The following MGAM2 variants were observed in gnomAD, a reference collection of about 807,000 sequenced individuals.
MGAM2 encodes the protein probable maltase-glucoamylase 2.
Under a neutral mutation model 96.1 loss-of-function variants are expected in MGAM2, and 98 were observed. The observed-to-expected ratio is 1.02, with a 90% CI of 0.87 to 1.21. The LOEUF is 1.21. Ranked by LOEUF, MGAM2 falls within the 50% of genes most tolerant of loss-of-function variation. The pLI is 0.00. For missense variants in MGAM2, 2,055 were observed against 1,182.4 expected (o/e 1.74, Z -10.82); for synonymous variants, 749 against 414.8 (o/e 1.81, Z -9.79).
At chr7:142,206,152 A>G (rs927727409) in intron 45 of MGAM2, among the ~76,000 whole-genome samples, 1 of 152,160 alleles carries the variant, frequency 6.6e-6, no homozygotes, top group Admixed American at 6.5e-5. Context: ...CTATATGTCT[A>G]TTCTTATGTC....
At chr7:142,216,609 C>T (rs1372278232) in intron 46 of MGAM2, among the ~76,000 whole-genome samples, 1 of 152,104 alleles carries the variant, frequency 6.6e-6, no homozygotes, top group Non-Finnish European at 1.5e-5. Flanking sequence ...TAGCTTCTCC[C>T]ACCATCTTAA....
intron 3 of MGAM2, among the ~76,000 whole-genome samples, chr7:142,127,656 A>G (rs986788143): frequency 6.6e-6 from 1 of 152,152 alleles, no homozygotes; most frequent in Non-Finnish European, 1.5e-5. Context: ...ATGGTAGTGA[A>G]TAAGTCTCAT....
intron 27 of MGAM2, among the ~76,000 whole-genome samples, chr7:142,170,843 G>C (rs557326292): frequency 6.6e-6 from 1 of 152,188 alleles, no homozygotes; most frequent in Non-Finnish European, 1.5e-5. Context: ...CTGTGTGAGT[G>C]ATTTCCTCTC....
chr7:142,146,764 G>A (rs933764263), intron 14 of MGAM2, among the ~76,000 whole-genome samples: 1 of 149,998 alleles, frequency 6.7e-6, no homozygotes, highest in African/African-American at 2.5e-5. Flanking sequence ...GTCTCGCTCT[G>A]TCACCCAGTC....
intron 6 of MGAM2, among the ~76,000 whole-genome samples, chr7:142,132,745 CATATAATATATAATATATAATTATATA>C (rs1335090087): frequency 3.3e-5 from 4 of 120,960 alleles, no homozygotes; most frequent in East Asian, 4.7e-4. Flanking sequence ...TATGTAATAA[CATATAATATATAATATATAATTATATA>C]ATATAATATA....
At chr7:142,210,399 A>C (rs957940805) in intron 46 of MGAM2, among the ~76,000 whole-genome samples, 8 of 151,970 alleles carry the variant, frequency 5.3e-5, no homozygotes, top group African/African-American at 1.9e-4. Flanking sequence ...TGCTCAGCGG[A>C]TCCCAACCCC....
In MGAM2 at chr7:142,221,771, T is replaced by A. The variant is rs1264369329; in HGVS notation, c.7260T>A (p.Asp2420Glu). Residue 2420 changes from aspartate (D) to glutamate (E), a missense_variant, in exon 48 of 48, where the codon GAT becomes GAA. Transcript: ENST00000477922. Reference sequence around the variant, plus strand: ...ATCTAGGCACCATGGATATTACTGATGCAGATAACTCCAGCAGTGTTACAG... The same window carrying A: ...ATCTAGGCACCATGGATATTACTGAAGCAGATAACTCCAGCAGTGTTACAG... ...LSNLGTMDIT[D>E]ADNSSSVTGN... is the part of the protein sequence containing the mutation. 2.5e-6 allele frequency: 1 copy of A among 405,128 alleles called. No individual in the cohort carries two copies. Among genetic ancestry groups the A allele is most frequent in the Non-Finnish European group, 4.4e-6 (1 of 229,470 alleles). The allele number at this position is 405,128 out of a possible 1,614,324, so 25.1% of individuals were successfully genotyped here.
chr7:142,164,639 C>A (rs1795978607), intron 23 of MGAM2, among the ~76,000 whole-genome samples: 1 of 151,892 alleles, frequency 6.6e-6, no homozygotes, highest in South Asian at 2.1e-4. Context: ...AGTAAAGAAC[C>A]AGTGAACAAA....
chr7:142,140,712 C>A (rs995578930), intron 10 of MGAM2, 90 bp from the exon 11 acceptor site: 21 of 571,556 alleles, frequency 3.7e-5, no homozygotes, highest in African/African-American at 3.6e-4. Context: ...AATATGGTTT[C>A]ATTTTCAATG....
intron 15 of MGAM2, among the ~76,000 whole-genome samples, chr7:142,150,429 A>G: frequency 6.6e-6 from 1 of 152,076 alleles, no homozygotes; most frequent in East Asian, 1.9e-4. Context: ...ATACTTCTTA[A>G]TTAGGTTATC....
Position 142,199,979 on chromosome 7 carries a change from A to AC in MGAM2, c.5137+12dup, listed in dbSNP as rs1281571124. ...ATGGACAAAGCATTGGTGAGTATAA[A>AC]CTTTCCAGGGTCCCTGTACATCACT... On this transcript the variant is annotated intron_variant, in intron 45 of 47. Transcript: ENST00000477922. The AC allele has an allele frequency of 1.5e-6, 1 of 656,990 alleles. No individual in the cohort carries two copies. Among genetic ancestry groups the AC allele is most frequent in the African/African-American group, 1.8e-5 (1 of 55,224 alleles). 40.7% of individuals were successfully genotyped at this position (656,990 alleles called of 1,614,324 possible). A position where few individuals can be genotyped will look rare whatever the true frequency, so the allele number is the denominator to read the frequency against.
chr7:142,133,607 T>G lies in MGAM2; in HGVS notation c.576-374T>G, dbSNP rs551224918. ...TGTTATATATCAGGCAAAATACCTATCCTCAACAGTATCAGTTTCCTTGTC... is the reference window on the plus strand; with the variant it reads ...TGTTATATATCAGGCAAAATACCTAGCCTCAACAGTATCAGTTTCCTTGTC... On this transcript the variant is annotated intron_variant, in intron 6 of 47. Transcript: ENST00000477922. Among the ~76,000 whole-genome samples, 4 of 152,142 alleles carry G rather than the reference T, an allele frequency of 2.6e-5. No homozygotes were observed. In the East Asian group the frequency reaches 7.7e-4, roughly 29 times the overall value.
chr7:142,162,048 G>T (rs767990615), intron 23 of MGAM2, 44 bp downstream of exon 23: 2 of 657,712 alleles, frequency 3.0e-6, no homozygotes, highest in South Asian at 3.4e-5. Context: ...GTTCCTTGCT[G>T]GGAAGGCTCT....
chr7:142,195,799 A>T (rs1049812861), intron 37 of MGAM2, among the ~76,000 whole-genome samples: 3 of 152,162 alleles, frequency 2.0e-5, no homozygotes, highest in Non-Finnish European at 4.4e-5. Context: ...AAACCTTTTC[A>T]TGATGTTATG....
chr7:142,164,881 A>T lies in MGAM2; in HGVS notation c.2510A>T (p.Asn837Ile), dbSNP rs1304614875. The change falls in exon 24 of 48, where the codon AAT (asparagine) becomes ATT (isoleucine). Residue 837 changes from asparagine to isoleucine, a missense_variant. Coordinates refer to ENST00000477922, the MANE Select transcript of MGAM2 (RefSeq NM_001293626.2). ...TSNHLQAKII[N>I]NNYMDTDNLM... The stretch of plus-strand genomic sequence containing the variant: ...AACCATCTACAAGCAAAGATTATAA[A>T]TAATAATTATATGGACACTGACAAC... 1.4e-6 allele frequency: 1 copy of T among 699,500 alleles called. No individual in the cohort carries two copies. Among genetic ancestry groups the T allele is most frequent in the Admixed American group, 2.0e-5 (1 of 49,388 alleles). The allele number at this position is 699,500 out of a possible 1,614,324, so 43.3% of individuals were successfully genotyped here.
intron 17 of MGAM2, among the ~76,000 whole-genome samples, chr7:142,156,727 A>G (rs894592840): frequency 6.6e-6 from 1 of 152,198 alleles, no homozygotes; most frequent in Non-Finnish European, 1.5e-5. Context: ...TCATGGAGTC[A>G]TTCTATTTAG....
chr7:142,143,993 A>T, intron 13 of MGAM2, 111 bp downstream of exon 13: 3 of 600,488 alleles, frequency 5.0e-6, no homozygotes, highest in Non-Finnish European at 9.1e-6. Flanking sequence ...AGTTTGCTTT[A>T]TGTAGTAGTA....
chr7:142,183,689 A>G (rs1265193200), intron 33 of MGAM2, among the ~76,000 whole-genome samples: 1 of 152,200 alleles, frequency 6.6e-6, no homozygotes. Context: ...AGACACCTGC[A>G]TGCAAAACAT....
At chr7:142,120,956 A>C (rs1354783262) in intron 3 of MGAM2, among the ~76,000 whole-genome samples, 1 of 152,146 alleles carries the variant, frequency 6.6e-6, no homozygotes, top group Non-Finnish European at 1.5e-5. Flanking sequence ...ATTAGTTGTG[A>C]CTTAGGACTT....
Sources: gnomAD v4.1 joint callset for allele counts (sites outside exome capture counted in the v4.1 genomes callset) on GRCh38, gnomAD v4.1.1 for gene constraint, MANE v1.5 for transcripts, NCBI Gene and HGNC (gene_info 2026-07-23, HGNC 2026-07-21) for gene names.